C1orf21: variants seen among roughly 807,000 people sequenced by gnomAD.
C1orf21 encodes the protein uncharacterized protein C1orf21.
C1orf21 carries 3 observed loss-of-function variants against 18.7 expected under a neutral mutation model. The observed-to-expected ratio is 0.16, with a 90% CI of 0.07 to 0.42. The LOEUF is 0.42. Among genes scored for constraint, C1orf21 ranks in the 10% least tolerant of loss-of-function variants. C1orf21 has a pLI of 0.99. For synonymous variants in C1orf21, 41 were observed against 46.4 expected, an observed-to-expected ratio of 0.88 and a Z score of 0.47; for missense variants, 104 against 143.6, an observed-to-expected ratio of 0.72 and a Z score of 1.41.
intron 3 of C1orf21, among the ~76,000 whole-genome samples, chr1:184,515,556 A>G (rs1192154174): frequency 2.6e-5 from 4 of 152,218 alleles, no homozygotes; most frequent in Non-Finnish European, 5.9e-5. Flanking sequence ...GGCAGTATTC[A>G]GATTCCTTGG....
intron 2 of C1orf21, among the ~76,000 whole-genome samples, chr1:184,493,432 A>G (rs1657846555): frequency 6.6e-6 from 1 of 152,234 alleles, no homozygotes; most frequent in South Asian, 2.1e-4. Context: ...CACATCTTTG[A>G]AGCTAATTAA....
At chr1:184,507,272 A>G (rs1024894366) in intron 2 of C1orf21, among the ~76,000 whole-genome samples, 2 of 152,182 alleles carry the variant, frequency 1.3e-5, no homozygotes, top group Non-Finnish European at 1.5e-5. Context: ...CTAGTGTAAC[A>G]TACATTTCAA....
chr1:184,489,423 C>A (rs1657784226), intron 2 of C1orf21, among the ~76,000 whole-genome samples: 1 of 152,140 alleles, frequency 6.6e-6, no homozygotes, highest in African/African-American at 2.4e-5. Context: ...ATTTTTTACC[C>A]TTCAGATTGG....
At chr1:184,477,150 A>G (rs1240660664) in intron 1 of C1orf21, among the ~76,000 whole-genome samples, 1 of 152,076 alleles carries the variant, frequency 6.6e-6, no homozygotes, top group Non-Finnish European at 1.5e-5. Context: ...CAAAAAGTTC[A>G]CTCCTTGGCC....
chr1:184,567,133 G>T, intron 3 of C1orf21: 1 of 470,798 alleles, frequency 2.1e-6, no homozygotes, highest in Non-Finnish European at 4.3e-6. Context: ...CTCCAACAGA[G>T]CCCTGCCTTC....
intron 5 of C1orf21, among the ~76,000 whole-genome samples, chr1:184,611,646 A>G (rs1407096441): frequency 2.0e-5 from 3 of 152,166 alleles, no homozygotes; most frequent in African/African-American, 7.2e-5. Flanking sequence ...GGGTTAGGGG[A>G]TAAAGGGTGT....
chr1:184,512,197 T>C (rs572028059), intron 3 of C1orf21, among the ~76,000 whole-genome samples: 1 of 152,318 alleles, frequency 6.6e-6, no homozygotes, highest in South Asian at 2.1e-4. Context: ...TTTTAAAGAT[T>C]CTCCATTATT....
chr1:184,534,539 A>G (rs1357659022), intron 3 of C1orf21, among the ~76,000 whole-genome samples: 3 of 151,962 alleles, frequency 2.0e-5, no homozygotes, highest in Admixed American at 1.3e-4. Context: ...ACAAATTGTG[A>G]TTTCTTTTAC....
chr1:184,571,121 G>A (rs1357697275), intron 3 of C1orf21, among the ~76,000 whole-genome samples: 5 of 151,830 alleles, frequency 3.3e-5, no homozygotes, highest in Non-Finnish European at 4.4e-5. Context: ...GTGAAACCCC[G>A]TCTCTACTAA....
chr1:184,535,897 A>G (rs539479736), intron 3 of C1orf21, among the ~76,000 whole-genome samples: 9 of 151,592 alleles, frequency 5.9e-5, no homozygotes, highest in African/African-American at 9.7e-5. Flanking sequence ...CATTTGCTTT[A>G]TACTCTGGCA....
chr1:184,472,592 ATC>A (rs1272443071), intron 1 of C1orf21, among the ~76,000 whole-genome samples: 1 of 152,114 alleles, frequency 6.6e-6, no homozygotes, highest in African/African-American at 2.4e-5. Context: ...AAGTTCAAAT[ATC>A]TCTGCTTTTT....
At chr1:184,426,467 A>C (rs1479898750) in intron 1 of C1orf21, among the ~76,000 whole-genome samples, 1 of 151,614 alleles carries the variant, frequency 6.6e-6, no homozygotes, top group Non-Finnish European at 1.5e-5. Flanking sequence ...AGACCCACCC[A>C]CCTCTCTCTG....
intron 1 of C1orf21, among the ~76,000 whole-genome samples, chr1:184,473,651 C>T (rs562738362): frequency 6.6e-6 from 1 of 152,244 alleles, no homozygotes; most frequent in Admixed American, 6.5e-5. Context: ...TTATATCAGG[C>T]TATAAAAGAG....
At chr1:184,403,829 A>G (rs1656202196) in intron 1 of C1orf21, among the ~76,000 whole-genome samples, 1 of 152,184 alleles carries the variant, frequency 6.6e-6, no homozygotes, top group South Asian at 2.1e-4. Context: ...AAGCAGTAAG[A>G]AATCTGTTAT....
chr1:184,553,936 A>G (rs1658845190), intron 3 of C1orf21, among the ~76,000 whole-genome samples: 3 of 152,228 alleles, frequency 2.0e-5, no homozygotes, highest in Non-Finnish European at 4.4e-5. Flanking sequence ...AAAGAGAAGT[A>G]ACAGACACTA....
intron 3 of C1orf21, among the ~76,000 whole-genome samples, chr1:184,579,820 T>C (rs1659252341): frequency 6.6e-6 from 1 of 152,166 alleles, no homozygotes; most frequent in Non-Finnish European, 1.5e-5. Flanking sequence ...AAGATTTTCT[T>C]AAAGTAGAGA....
In C1orf21 at chr1:184,455,132, G is replaced by C. The variant is rs1002365888; in HGVS notation, c.-124-22254G>C. Among the ~76,000 whole-genome samples, 3 of 152,152 alleles carry C rather than the reference G, an allele frequency of 2.0e-5. No homozygotes were observed. The East Asian group carries it at 5.8e-4, about 29-fold the overall frequency. Reference sequence around the variant, plus strand: ...AAACACTTTGGGCCATTCAGAAATGGTATAAGCATACTCAGGCCCATGTGT... The same window carrying C: ...AAACACTTTGGGCCATTCAGAAATGCTATAAGCATACTCAGGCCCATGTGT... On this transcript the variant is annotated intron_variant, in intron 1 of 5. Transcript: ENST00000235307.
chr1:184,447,490 G>A (rs747654610), intron 1 of C1orf21, among the ~76,000 whole-genome samples: 4 of 151,968 alleles, frequency 2.6e-5, no homozygotes, highest in Admixed American at 6.6e-5. Context: ...CTATTCATTC[G>A]TCTACTCTTT....
chr1:184,602,295 T>C (rs1227841617), intron 5 of C1orf21, among the ~76,000 whole-genome samples: 2 of 152,210 alleles, frequency 1.3e-5, no homozygotes, highest in African/African-American at 2.4e-5. Context: ...AACACTCTGC[T>C]GCGACCGGAG....
Sources: gnomAD v4.1 joint callset for allele counts (sites outside exome capture counted in the v4.1 genomes callset) on GRCh38, gnomAD v4.1.1 for gene constraint, MANE v1.5 for transcripts, NCBI Gene and HGNC (gene_info 2026-07-23, HGNC 2026-07-21) for gene names.